MEIS2: variants seen among roughly 807,000 people sequenced by gnomAD.
MEIS2 encodes homeobox protein Meis2.
In MEIS2, 9 loss-of-function variants were observed where a neutral mutation model predicts 58.6. That is an observed-to-expected ratio of 0.15 (90% CI 0.09 to 0.27). The LOEUF is 0.27. Ranked by LOEUF, MEIS2 falls within the 10% of genes least tolerant of loss-of-function variation. The probability of loss-of-function intolerance (pLI) is 1.00; values close to 1 mark genes in which losing one functional copy is unlikely to be tolerated. For synonymous variants in MEIS2, 221 were observed against 228.4 expected (o/e 0.97, Z 0.29); for missense variants, 427 against 635.0 (o/e 0.67, Z 3.52).
At chr15:36,906,197 T>G (rs1383036408) in intron 9 of MEIS2, among the ~76,000 whole-genome samples, 1 of 152,102 alleles carries the variant, frequency 6.6e-6, no homozygotes, top group Non-Finnish European at 1.5e-5. Flanking sequence ...GGTTCTTGAG[T>G]GATAAATTGA....
chr15:36,915,519 C>T (rs1175953513), intron 9 of MEIS2, among the ~76,000 whole-genome samples: 2 of 152,000 alleles, frequency 1.3e-5, no homozygotes, highest in Non-Finnish European at 2.9e-5. Flanking sequence ...TCTGTAAATC[C>T]CTGGCACCAA....
intron 9 of MEIS2, among the ~76,000 whole-genome samples, chr15:36,920,608 G>C (rs777432080): frequency 6.6e-6 from 1 of 152,178 alleles, no homozygotes; most frequent in Non-Finnish European, 1.5e-5. Context: ...ATGACTTACG[G>C]ATCACAAATG....
In MEIS2 at chr15:36,950,316, T is replaced by C; in HGVS notation, c.977+8A>G. The C allele has an allele frequency of 6.2e-7, 1 of 1,607,766 alleles. No homozygotes were observed. Among genetic ancestry groups the C allele is most frequent in the East Asian group, 2.2e-5 (1 of 44,794 alleles). ...TGGGAGAAAGACATTGATTTTTGGG[T>C]CACTCACCAGTTGTTTACTTGGAGA... On this transcript the variant is annotated splice_region_variant and intron_variant, in intron 9 of 11. Transcript: ENST00000561208.
intron 8 of MEIS2, among the ~76,000 whole-genome samples, chr15:36,987,346 T>C (rs578048338): frequency 6.7e-5 from 10 of 149,578 alleles, no homozygotes; most frequent in African/African-American, 2.2e-4. Flanking sequence ...ATGCAGAGGT[T>C]GCAGTGAGCC....
intron 7 of MEIS2, among the ~76,000 whole-genome samples, chr15:37,044,084 T>G (rs2062560388): frequency 6.6e-6 from 1 of 152,154 alleles, no homozygotes; most frequent in Non-Finnish European, 1.5e-5. Flanking sequence ...TATTTAATCT[T>G]CACAACAAAT....
At chr15:36,997,285 T>C (rs1423395721) in intron 8 of MEIS2, among the ~76,000 whole-genome samples, 1 of 152,188 alleles carries the variant, frequency 6.6e-6, no homozygotes, top group African/African-American at 2.4e-5. Context: ...CACACTGGGC[T>C]GACAAGCTCT....
At chr15:36,921,624 G>A (rs368436981) in intron 9 of MEIS2, among the ~76,000 whole-genome samples, 4 of 151,972 alleles carry the variant, frequency 2.6e-5, no homozygotes, top group African/African-American at 9.7e-5. Context: ...CCCACCTTTT[G>A]TGTTGTTCCC....
At chr15:36,962,333 A>G (rs968978167) in intron 8 of MEIS2, among the ~76,000 whole-genome samples, 2 of 152,208 alleles carry the variant, frequency 1.3e-5, no homozygotes, top group African/African-American at 4.8e-5. Flanking sequence ...ATCTGAAACA[A>G]GGTATCTGTG....
At chr15:36,953,264 T>C (rs2141400178) in intron 8 of MEIS2, among the ~76,000 whole-genome samples, 1 of 152,280 alleles carries the variant, frequency 6.6e-6, no homozygotes, top group East Asian at 1.9e-4. Flanking sequence ...ATCTATCATA[T>C]GCATTCTTCT....
In MEIS2 at chr15:37,083,813, C is replaced by A; in HGVS notation, c.712G>T (p.Gly238Trp). The A allele has an allele frequency of 6.2e-7, 1 of 1,614,064 alleles. No individual in the cohort carries two copies. Among genetic ancestry groups the A allele is most frequent in the Non-Finnish European group, 8.5e-7 (1 of 1,179,976 alleles). The change falls in exon 7 of 12, where the codon GGG (glycine) becomes TGG (tryptophan). Residue 238 changes from glycine to tryptophan, a missense_variant. Around this residue, in one of 6 missense-constraint regions of MEIS2, gnomAD observed 138 missense variants for 263.0 expected, o/e 0.52. Transcript: ENST00000561208. ...TCTCCGCTCTGGGAAGCATGGCCCCCACTGGAGGGCCCTGGGGTGCCTGCT... is the reference window on the plus strand; with the variant it reads ...TCTCCGCTCTGGGAAGCATGGCCCCAACTGGAGGGCCCTGGGGTGCCTGCT... ...HSAGTPGPSS[G>W]GHASQSGDNS...
rs964578017 is a variant in MEIS2 at position 36,932,283 on chromosome 15, C to G, written c.977+18041G>C. On this transcript the variant is annotated intron_variant, in intron 9 of 11. Transcript: ENST00000561208. ...TGCATGACTCTGAAGGTGCTGATCA[C>G]AGCGTTGTCTGTGCATATGATGCGC... Among the ~76,000 whole-genome samples, 8 of 152,194 alleles carry G rather than the reference C, an allele frequency of 5.3e-5. No individual in the cohort carries two copies. In the South Asian group the frequency reaches 6.2e-4, roughly 12 times the overall value.
intron 8 of MEIS2, among the ~76,000 whole-genome samples, chr15:36,975,472 T>TTTG (rs2059711682): frequency 6.7e-6 from 1 of 150,222 alleles, no homozygotes; most frequent in South Asian, 2.1e-4. Flanking sequence ...AATAAGGGTT[T>TTTG]TTTTTTTTTT....
chr15:36,996,774 T>C (rs921823363), intron 8 of MEIS2, among the ~76,000 whole-genome samples: 1 of 152,214 alleles, frequency 6.6e-6, no homozygotes, highest in Admixed American at 6.5e-5. Flanking sequence ...TGACCAGCCT[T>C]ATGATTAAAG....
chr15:36,989,108 C>T (rs894528400), intron 8 of MEIS2, among the ~76,000 whole-genome samples: 5 of 152,180 alleles, frequency 3.3e-5, no homozygotes, highest in Non-Finnish European at 7.4e-5. Flanking sequence ...TTCTTCTTAT[C>T]TTCAGTGCTT....
At chr15:36,996,633 T>C (rs1247092035) in intron 8 of MEIS2, among the ~76,000 whole-genome samples, 1 of 152,154 alleles carries the variant, frequency 6.6e-6, no homozygotes, top group African/African-American at 2.4e-5. Flanking sequence ...GTTTCTTTCT[T>C]AGTAGGTCAA....
At chr15:37,071,337 A>G (rs1327713899) in intron 7 of MEIS2, among the ~76,000 whole-genome samples, 2 of 152,132 alleles carry the variant, frequency 1.3e-5, no homozygotes, top group African/African-American at 4.8e-5. Context: ...ATCAGACTTC[A>G]GAGGAAAAGA....
chr15:36,976,241 T>A, intron 8 of MEIS2, among the ~76,000 whole-genome samples: 1 of 151,770 alleles, frequency 6.6e-6, no homozygotes, highest in Non-Finnish European at 1.5e-5. Context: ...GCCACCACCA[T>A]GCCCAGCTAA....
chr15:37,050,562 C>G (rs976199515), intron 7 of MEIS2, among the ~76,000 whole-genome samples: 1 of 152,092 alleles, frequency 6.6e-6, no homozygotes, highest in African/African-American at 2.4e-5. Flanking sequence ...AACAGGGGCC[C>G]TAAATTAGGA....
chr15:36,954,368 G>T (rs992317948), intron 8 of MEIS2, among the ~76,000 whole-genome samples: 4 of 150,106 alleles, frequency 2.7e-5, no homozygotes, highest in African/African-American at 9.7e-5. Context: ...GAAACTTTTT[G>T]TTTATATACT....
Sources: gnomAD v4.1 joint callset for allele counts (sites outside exome capture counted in the v4.1 genomes callset) on GRCh38, gnomAD v4.1.1 for gene constraint, gnomAD v4.1.1 regional missense constraint, MANE v1.5 for transcripts, NCBI Gene and HGNC (gene_info 2026-07-23, HGNC 2026-07-21) for gene names.